CAMTA1: variants seen among roughly 807,000 people sequenced by gnomAD.
CAMTA1 encodes the protein calmodulin-binding transcription activator 1.
CAMTA1 carries 27 observed loss-of-function variants against 170.9 expected under a neutral mutation model. The observed-to-expected ratio is 0.16, with a 90% CI of 0.12 to 0.22. CAMTA1 has a LOEUF of 0.22. Among genes scored for constraint, CAMTA1 ranks in the 10% least tolerant of loss-of-function variants. CAMTA1 has a pLI of 1.00. For missense variants in CAMTA1, 1,619 were observed against 2,217.2 expected, an observed-to-expected ratio of 0.73 and a Z score of 5.42; for synonymous variants, 833 against 891.5, an observed-to-expected ratio of 0.93 and a Z score of 1.17.
At position 7,664,882 on chromosome 1, in the gene CAMTA1, G is replaced by C. The variant is rs2095988092; in HGVS notation, c.2335G>C (p.Asp779His). The change falls in exon 9 of 23, where the codon GAC (aspartate) becomes CAC (histidine). Residue 779 changes from aspartate (D) to histidine (H), a missense_variant. Physicochemically the swap from Asp to His is moderately conservative, Grantham distance 81. Around this residue, in one of 8 missense-constraint regions of CAMTA1, gnomAD observed 731 missense variants for 907.6 expected, o/e 0.81. Transcript: ENST00000303635. ...CAACCAGTTCTCCGACCTGATCAAC[G>C]ACTTCATCTCCGTGGAGGGGGGCAG... ...FSNQFSDLIN[D>H]FISVEGGSST... 6.2e-7 allele frequency: 1 copy of C among 1,613,224 alleles called. No individual in the cohort carries two copies. The highest frequency in any genetic ancestry group is 1.3e-5 in the African/African-American group (1 of 74,944).
At chr1:7,274,324 G>T (rs549718038) in intron 5 of CAMTA1, among the ~76,000 whole-genome samples, 2 of 152,154 alleles carry the variant, frequency 1.3e-5, no homozygotes, top group Non-Finnish European at 2.9e-5. Context: ...TGATCAAGCA[G>T]AGTAGACTTC....
chr1:7,564,828 G>A (rs2095017415), intron 6 of CAMTA1, among the ~76,000 whole-genome samples: 1 of 151,804 alleles, frequency 6.6e-6, no homozygotes, highest in Non-Finnish European at 1.5e-5. Flanking sequence ...GGAGACTGAG[G>A]CAGAAAAAAG....
At chr1:7,205,942 C>T (rs1261131275) in intron 4 of CAMTA1, among the ~76,000 whole-genome samples, 1 of 152,054 alleles carries the variant, frequency 6.6e-6, no homozygotes, top group Non-Finnish European at 1.5e-5. Flanking sequence ...TTCAGTTGTT[C>T]CAGCAGCATT....
intron 4 of CAMTA1, among the ~76,000 whole-genome samples, chr1:7,174,910 G>T (rs1430239919): frequency 1.3e-5 from 2 of 152,210 alleles, no homozygotes; most frequent in Non-Finnish European, 2.9e-5. Context: ...GAAGAGATTG[G>T]CCTGACATCC....
intron 5 of CAMTA1, among the ~76,000 whole-genome samples, chr1:7,284,767 C>G (rs1286337477): frequency 6.6e-6 from 1 of 152,212 alleles, no homozygotes; most frequent in Non-Finnish European, 1.5e-5. Flanking sequence ...GCCTGGAACA[C>G]TTTCCTCGCT....
intron 3 of CAMTA1, among the ~76,000 whole-genome samples, chr1:6,916,834 G>A (rs1484316764): frequency 1.3e-5 from 2 of 152,248 alleles, no homozygotes; most frequent in African/African-American, 4.8e-5. Flanking sequence ...AGATGTCATA[G>A]CAGGTGCTGA....
rs557805076 is a variant in CAMTA1, at chr1:7,101,342, A to G, written c.302+9971A>G. 6.6e-5 allele frequency among the ~76,000 whole-genome samples: 10 copies of G among 152,288 alleles called. No homozygotes were observed. In the East Asian group the frequency reaches 1.9e-3, roughly 29 times the overall value. Reference sequence around the variant, plus strand: ...GTTGGCCTGCGGGCCTTGTGGCATTATGAGATAGGAAGGCGAGTTCTTGGA... The same window carrying G: ...GTTGGCCTGCGGGCCTTGTGGCATTGTGAGATAGGAAGGCGAGTTCTTGGA... On this transcript the variant is annotated intron_variant, in intron 4 of 22. Transcript: ENST00000303635.
chr1:7,290,203 G>T, intron 5 of CAMTA1, among the ~76,000 whole-genome samples: 1 of 152,216 alleles, frequency 6.6e-6, no homozygotes, highest in East Asian at 1.9e-4. Context: ...TGTGGACATG[G>T]CCTGGCAGAG....
At chr1:7,091,256 C>T in intron 3 of CAMTA1, 48 bp from the exon 4 acceptor site, 1 of 1,374,298 alleles carries the variant, frequency 7.3e-7, no homozygotes, top group Non-Finnish European at 1.0e-6. Flanking sequence ...CTCTCAGGAT[C>T]CAATGTGAGC....
Position 7,663,389 on chromosome 1 carries a change from C to T in CAMTA1, c.842C>T (p.Ala281Val), listed in dbSNP as rs2095978213. The change falls in exon 9 of 23, where the codon GCC (alanine) becomes GTC (valine). Residue 281 changes from alanine to valine, a missense_variant. Around this residue, in one of 8 missense-constraint regions of CAMTA1, gnomAD observed 731 missense variants for 907.6 expected, o/e 0.81. Transcript: ENST00000303635. ...GGSVHHKCNS[A>V]KHRIISPKVE... ...AGCGTGCATCACAAGTGTAACAGCG[C>T]CAAACACCGCATCATCTCGCCCAAG... 1.4e-5 allele frequency: 21 copies of T among 1,538,436 alleles called. No individual in the cohort carries two copies. Among genetic ancestry groups the T allele is most frequent in the Non-Finnish European group, 1.8e-5 (21 of 1,139,584 alleles).
intron 17 of CAMTA1, among the ~76,000 whole-genome samples, chr1:7,745,605 T>C (rs554112231): frequency 1.4e-4 from 22 of 152,244 alleles, no homozygotes; most frequent in African/African-American, 4.8e-4. Flanking sequence ...GGCAGTAGAG[T>C]GTACTGCTAC....
At chr1:6,859,228 T>C (rs536381778) in intron 3 of CAMTA1, among the ~76,000 whole-genome samples, 17 of 152,314 alleles carry the variant, frequency 1.1e-4, no homozygotes, top group Non-Finnish European at 1.9e-4. Flanking sequence ...TGTTTGAGTG[T>C]ACATACAAGA....
At chr1:7,085,807 C>T (rs1388888136) in intron 3 of CAMTA1, among the ~76,000 whole-genome samples, 2 of 152,228 alleles carry the variant, frequency 1.3e-5, no homozygotes, top group Non-Finnish European at 2.9e-5. Context: ...GCTTTGCAGT[C>T]CTCTATCAAA....
rs926200557 is a variant in CAMTA1, at chr1:6,887,717, G to C, written c.234+62507G>C. 33 of 1,535,208 alleles carry C rather than the reference G, an allele frequency of 2.1e-5. No homozygotes were observed. The Admixed American group carries it at 2.2e-4, about 10-fold the overall frequency. On this transcript the variant is annotated intron_variant, in intron 3 of 22. Coordinates refer to ENST00000303635, the MANE Select transcript of CAMTA1 (RefSeq NM_015215.4). This position sits in a 1 kb window ranked among gnomAD's most constrained non-coding sequence, Gnocchi z 4.1. ...GAGGGATCCACAGAGCTGGAGCCATGAGGGCTGACACATTGGAATGAAAGC... is the reference window on the plus strand; with the variant it reads ...GAGGGATCCACAGAGCTGGAGCCATCAGGGCTGACACATTGGAATGAAAGC...
chr1:6,950,448 T>G (rs1571972825), intron 3 of CAMTA1, among the ~76,000 whole-genome samples: 1 of 152,218 alleles, frequency 6.6e-6, no homozygotes, highest in East Asian at 1.9e-4. Context: ...CCAGGCTTCC[T>G]CCCAAAACTC....
At chr1:7,702,287 C>G (rs996104512) in intron 11 of CAMTA1, among the ~76,000 whole-genome samples, 4 of 152,182 alleles carry the variant, frequency 2.6e-5, no homozygotes, top group African/African-American at 9.7e-5. Flanking sequence ...CCTGAGGCCC[C>G]TCCTTCAGAC....
At chr1:7,163,900 G>A (rs1218774115) in intron 4 of CAMTA1, among the ~76,000 whole-genome samples, 4 of 152,142 alleles carry the variant, frequency 2.6e-5, no homozygotes, top group Admixed American at 2.0e-4. Flanking sequence ...TGGTGCACTC[G>A]TTTTCCCTTT....
chr1:7,068,098 T>A (rs907857340), intron 3 of CAMTA1, among the ~76,000 whole-genome samples: 18 of 152,178 alleles, frequency 1.2e-4, no homozygotes, highest in African/African-American at 4.1e-4. Context: ...CATGAGATGG[T>A]ACATTTTCCT....
intron 5 of CAMTA1, among the ~76,000 whole-genome samples, chr1:7,373,386 C>T (rs188774182): frequency 1.0e-3 from 158 of 152,334 alleles, no homozygotes; most frequent in Non-Finnish European, 1.8e-3. Flanking sequence ...CAGGGAGCCC[C>T]GAGTTGGCTG....
Sources: gnomAD v4.1 joint callset for allele counts (sites outside exome capture counted in the v4.1 genomes callset) on GRCh38, gnomAD v4.1.1 for gene constraint, gnomAD v4.1.1 regional missense constraint, Gnocchi (gnomAD v3.1) non-coding constraint, MANE v1.5 for transcripts, NCBI Gene and HGNC (gene_info 2026-07-23, HGNC 2026-07-21) for gene names.